The following ST8SIA1 variants were observed in gnomAD, a reference collection of about 807,000 sequenced individuals.
ST8SIA1 encodes the protein alpha-N-acetylneuraminide alpha-2,8-sialyltransferase.
A neutral mutation model predicts 35.9 loss-of-function variants in ST8SIA1; 16 were observed. The ratio of observed to expected loss-of-function variants is 0.45; its 90% CI spans 0.30 to 0.68. The LOEUF is 0.68. Ranked by LOEUF, ST8SIA1 falls within the 30% of genes least tolerant of loss-of-function variation. The pLI, the probability that ST8SIA1 is intolerant of heterozygous loss-of-function variation, is 0.09. For missense variants in ST8SIA1, 383 were observed against 453.6 expected (o/e 0.84, Z 1.41); for synonymous variants, 170 against 169.6 (o/e 1.00, Z -0.02).
At chr12:22,321,695 G>C (rs1011434334) in intron 1 of ST8SIA1, among the ~76,000 whole-genome samples, 1 of 152,228 alleles carries the variant, frequency 6.6e-6, no homozygotes, top group Non-Finnish European at 1.5e-5. Context: ...ACTGGGGTGC[G>C]GGGTGGAGGT....
intron 4 of ST8SIA1, chr12:22,223,368 C>A: frequency 4.9e-6 from 1 of 202,342 alleles, no homozygotes; most frequent in Non-Finnish European, 8.8e-6. Context: ...GAGTGTGGTG[C>A]ATGTATGGAC....
In ST8SIA1 at chr12:22,298,089, G is replaced by GTT. The variant is rs61701258; in HGVS notation, c.237-10798_237-10797dup. Among the ~76,000 whole-genome samples, 66 of 152,264 alleles carry GTT rather than the reference G, an allele frequency of 4.3e-4. 1 individual carries two copies. The highest frequency in any genetic ancestry group is 1.5e-3 in the African/African-American group (64 of 41,550). Reference sequence around the variant, plus strand: ...CTTCTGTATAGCTGAACACCTGGAGGTTCCTGAAGGGTGATGTGCCTCATG... The same window carrying GTT: ...CTTCTGTATAGCTGAACACCTGGAGGTTTTCCTGAAGGGTGATGTGCCTCATG... On this transcript the variant is annotated intron_variant, in intron 1 of 4. Transcript: ENST00000396037.
chr12:22,319,862 T>C (rs1866564322), intron 1 of ST8SIA1, among the ~76,000 whole-genome samples: 1 of 152,060 alleles, frequency 6.6e-6, no homozygotes, highest in African/African-American at 2.4e-5. Context: ...GACCACGAGC[T>C]TCCTAAGCAA....
chr12:22,314,627 G>GT (rs1235251267), intron 1 of ST8SIA1, among the ~76,000 whole-genome samples: 2 of 152,150 alleles, frequency 1.3e-5, no homozygotes. Flanking sequence ...ATTGAATTGT[G>GT]TATCTTCCTT....
chr12:22,316,468 C>A (rs1227416902), intron 1 of ST8SIA1, among the ~76,000 whole-genome samples: 1 of 152,016 alleles, frequency 6.6e-6, no homozygotes, highest in Admixed American at 6.6e-5. Context: ...ATCTCTACCT[C>A]ACTATACTAA....
At chr12:22,248,957 G>A (rs1361512659) in intron 4 of ST8SIA1, 49 bp downstream of exon 4, 1 of 1,394,836 alleles carries the variant, frequency 7.2e-7, no homozygotes, top group Non-Finnish European at 1.0e-6. Context: ...CTAAGTACTT[G>A]AGAAGACTTC....
intron 1 of ST8SIA1, among the ~76,000 whole-genome samples, chr12:22,302,967 A>G (rs928061933): frequency 1.3e-5 from 2 of 152,104 alleles, no homozygotes; most frequent in African/African-American, 4.8e-5. Flanking sequence ...ATGTCTCCCT[A>G]AAATGTGTAT....
At chr12:22,308,061 G>A (rs1203621515) in intron 1 of ST8SIA1, among the ~76,000 whole-genome samples, 1 of 152,182 alleles carries the variant, frequency 6.6e-6, no homozygotes, top group South Asian at 2.1e-4. Context: ...GAGTAACTGG[G>A]ACTACAGGCA....
At chr12:22,329,783 A>G (rs1866735340) in intron 1 of ST8SIA1, among the ~76,000 whole-genome samples, 1 of 152,166 alleles carries the variant, frequency 6.6e-6, no homozygotes, top group Admixed American at 6.5e-5. Flanking sequence ...AAAAGAAAGG[A>G]CTTGACTGCT....
At chr12:22,325,703 T>G in intron 1 of ST8SIA1, 3 of 615,478 alleles carry the variant, frequency 4.9e-6, no homozygotes. Flanking sequence ...TTCCTATACA[T>G]ACATGCCTAT....
At chr12:22,333,452 C>A (rs1425242139) in intron 1 of ST8SIA1, among the ~76,000 whole-genome samples, 1 of 152,226 alleles carries the variant, frequency 6.6e-6, no homozygotes, top group African/African-American at 2.4e-5. Context: ...TGCACAGTAT[C>A]GTCTCTTAGT....
chr12:22,294,292 CT>C (rs149145853), intron 1 of ST8SIA1, among the ~76,000 whole-genome samples: 18,753 of 152,016 alleles, frequency 0.12, 1,439 homozygotes, highest in South Asian at 0.3. Context: ...AAGACAATAC[CT>C]TTGCCCCAGG....
chr12:22,274,457 A>G (rs1462385260), intron 2 of ST8SIA1, among the ~76,000 whole-genome samples: 1 of 152,242 alleles, frequency 6.6e-6, no homozygotes, highest in Admixed American at 6.5e-5. Context: ...AGAAAAAGAA[A>G]TTATCTTCAC....
Position 22,195,306 on chromosome 12 carries a change from G to C in ST8SIA1, c.*6246C>G, listed in dbSNP as rs530678930. 6.6e-6 allele frequency: 1 copy of C among 152,186 alleles called. No homozygotes were observed. The highest frequency in any genetic ancestry group is 2.4e-5 in the African/African-American group (1 of 41,414). 9.4% of individuals were successfully genotyped at this position (152,186 alleles called of 1,614,324 possible). A position where few individuals can be genotyped will look rare whatever the true frequency, so the allele number is the denominator to read the frequency against. ...ACCTCTTGGGAAGGGACAGCAAGGG[G>C]TGGAGCCTTGATACTGTCATGGTCC... is the stretch of plus-strand genomic sequence containing the variant. On this transcript the variant is annotated 3_prime_UTR_variant, in exon 5 of 5. Transcript: ENST00000396037.
chr12:22,208,029 G>A (rs541168209), intron 4 of ST8SIA1, among the ~76,000 whole-genome samples: 43 of 151,240 alleles, frequency 2.8e-4, no homozygotes, highest in African/African-American at 9.9e-4. Flanking sequence ...TGTAATCTCA[G>A]CTCAGGAGGC....
intron 4 of ST8SIA1, among the ~76,000 whole-genome samples, chr12:22,206,352 G>T (rs1369689849): frequency 6.6e-6 from 1 of 152,182 alleles, no homozygotes; most frequent in Non-Finnish European, 1.5e-5. Context: ...GGAGGCAGGA[G>T]ATACTAGGGA....
intron 1 of ST8SIA1, among the ~76,000 whole-genome samples, chr12:22,291,165 C>T (rs1866170802): frequency 6.6e-6 from 1 of 152,158 alleles, no homozygotes; most frequent in Non-Finnish European, 1.5e-5. Flanking sequence ...CATCTGTTGA[C>T]TGTGCCTACC....
intron 2 of ST8SIA1, among the ~76,000 whole-genome samples, chr12:22,257,315 G>T (rs530236181): frequency 6.6e-6 from 1 of 151,214 alleles, no homozygotes; most frequent in South Asian, 2.1e-4. Context: ...GGATTCAAGC[G>T]ATTCTCCTGA....
chr12:22,277,978 G>T (rs1040498346), intron 2 of ST8SIA1, among the ~76,000 whole-genome samples: 5 of 152,192 alleles, frequency 3.3e-5, no homozygotes, highest in African/African-American at 1.2e-4. Flanking sequence ...TGCAGAACCG[G>T]ATCTATTTTT....
Sources: gnomAD v4.1 joint callset for allele counts (sites outside exome capture counted in the v4.1 genomes callset) on GRCh38, gnomAD v4.1.1 for gene constraint, MANE v1.5 for transcripts, NCBI Gene and HGNC (gene_info 2026-07-23, HGNC 2026-07-21) for gene names.